Variants in CENPH observed in about 807,000 individuals in gnomAD.
CENPH encodes the protein CENP-H.
CENPH carries 40 observed loss-of-function variants against 42.9 expected under a neutral mutation model. That is an observed-to-expected ratio of 0.93 (90% confidence interval 0.72 to 1.21). The LOEUF (loss-of-function observed/expected upper bound fraction) is 1.21. Ranked by LOEUF, CENPH falls within the 50% of genes most tolerant of loss-of-function variation. The probability of loss-of-function intolerance (pLI) is 0.00; values close to 1 mark genes in which losing one functional copy is unlikely to be tolerated. For missense variants in CENPH, 302 were observed against 292.9 expected (o/e 1.03, Z -0.23); for synonymous variants, 88 against 96.5 (o/e 0.91, Z 0.52).
rs535787751 is a variant in CENPH at position 69,190,542 on chromosome 5, A to G, written c.134+774A>G. 1.5e-4 allele frequency among the ~76,000 whole-genome samples: 23 copies of G among 152,276 alleles called. No homozygotes were observed. In the South Asian group the frequency reaches 4.6e-3, roughly 30 times the overall value. ...ACTATCAGGTCCTTTACAGAAAAAA[A>G]TTTGCGGTCCTCTGTTCTATATCAT... On this transcript the variant is annotated intron_variant, in intron 1 of 8. Transcript: ENST00000283006.
chr5:69,197,341 G>A, intron 5 of CENPH: 1 of 366,916 alleles, frequency 2.7e-6, no homozygotes, highest in Non-Finnish European at 4.8e-6. Context: ...CAGAAGATTG[G>A]AAAATTTTAA....
chr5:69,208,080 A>G (rs902208911), intron 7 of CENPH, 116 bp from the exon 8 acceptor site: 5 of 511,354 alleles, frequency 9.8e-6, no homozygotes, highest in African/African-American at 2.0e-5. Flanking sequence ...AATGCTGCTT[A>G]TTAAAATTTT....
chr5:69,204,690 C>G (rs559849851), intron 7 of CENPH, among the ~76,000 whole-genome samples: 57 of 141,492 alleles, frequency 4.0e-4, no homozygotes, highest in African/African-American at 1.5e-3. Context: ...ACTGCAACTT[C>G]TGCTTCCCGG....
At chr5:69,197,001 G>T (rs1747975062) in intron 4 of CENPH, 52 bp from the exon 5 acceptor site, 1 of 1,154,650 alleles carries the variant, frequency 8.7e-7, no homozygotes, top group Non-Finnish European at 1.2e-6. Flanking sequence ...TTTTTTTAAT[G>T]TACCACAAAT....
chr5:69,191,052 T>G (rs1747862097), intron 1 of CENPH, among the ~76,000 whole-genome samples: 1 of 152,242 alleles, frequency 6.6e-6, no homozygotes, highest in Non-Finnish European at 1.5e-5. Flanking sequence ...TTTGGATTTA[T>G]AGAACAACTG....
chr5:69,193,714 T>C (rs1381338976), intron 2 of CENPH, among the ~76,000 whole-genome samples: 2 of 149,174 alleles, frequency 1.3e-5, no homozygotes, highest in Admixed American at 1.4e-4. Flanking sequence ...CAGGCTAGAG[T>C]GCAGCGGCGC....
chr5:69,198,349 A>C (rs1393086035), intron 5 of CENPH, among the ~76,000 whole-genome samples: 1 of 151,394 alleles, frequency 6.6e-6, no homozygotes, highest in Non-Finnish European at 1.5e-5. Flanking sequence ...TGTCACTCAG[A>C]CTGGAGTGCA....
At chr5:69,205,865 C>T (rs1485076375) in intron 7 of CENPH, among the ~76,000 whole-genome samples, 4 of 151,588 alleles carry the variant, frequency 2.6e-5, no homozygotes, top group African/African-American at 4.8e-5. Context: ...CCCGCCACCA[C>T]GCCCGGCTAA....
chr5:69,201,859 G>C lies in CENPH; in HGVS notation c.372-647G>C, dbSNP rs573096502. ...GGTGGCAGAGCGAGACCCTGTCACAGAAAACAAACCCGTAGGCTATACACA... is the reference window on the plus strand; with the variant it reads ...GGTGGCAGAGCGAGACCCTGTCACACAAAACAAACCCGTAGGCTATACACA... On this transcript the variant is annotated intron_variant, in intron 5 of 8. Transcript: ENST00000283006. 6.6e-5 allele frequency among the ~76,000 whole-genome samples: 10 copies of C among 152,254 alleles called. No individual in the cohort carries two copies. The East Asian group carries it at 1.9e-3, about 29-fold the overall frequency.
At position 69,192,290 on chromosome 5, in the gene CENPH, A is replaced by T. The variant is rs1747890166; in HGVS notation, c.190+440A>T. Among the ~76,000 whole-genome samples the T allele has an allele frequency of 3.3e-5, 5 of 152,210 alleles. No homozygotes were observed. The South Asian group carries it at 1.0e-3, about 32-fold the overall frequency. On this transcript the variant is annotated intron_variant, in intron 2 of 8. Transcript: ENST00000283006. Reference sequence around the variant, plus strand: ...GAGGGAGGGGCTTCTTTTCATAGGGATGGCTTCTCTAAGAAGATGATTTTA... The same window carrying T: ...GAGGGAGGGGCTTCTTTTCATAGGGTTGGCTTCTCTAAGAAGATGATTTTA...
chr5:69,206,685 C>T (rs544969080), intron 7 of CENPH, among the ~76,000 whole-genome samples: 1 of 151,838 alleles, frequency 6.6e-6, no homozygotes, highest in African/African-American at 2.4e-5. Context: ...TTAGTAGAGA[C>T]GGGTTTCATC....
chr5:69,192,134 A>T (rs1747882795), intron 2 of CENPH, among the ~76,000 whole-genome samples: 3 of 152,192 alleles, frequency 2.0e-5, no homozygotes, highest in Admixed American at 2.0e-4. Flanking sequence ...GATGATTAAC[A>T]GTACTCGAGT....
At chr5:69,196,465 C>G (rs1747965867) in intron 4 of CENPH, among the ~76,000 whole-genome samples, 2 of 152,218 alleles carry the variant, frequency 1.3e-5, no homozygotes, top group South Asian at 4.1e-4. Context: ...ACCAACAATG[C>G]AAAACCCTGT....
At chr5:69,194,718 G>C (rs772559883) in intron 3 of CENPH, 23 bp downstream of exon 3, 1 of 1,447,368 alleles carries the variant, frequency 6.9e-7, no homozygotes, top group South Asian at 1.2e-5. Context: ...TAAAAATTTT[G>C]TTTATGGTCT....
At chr5:69,192,992 G>A (rs1189382489) in intron 2 of CENPH, among the ~76,000 whole-genome samples, 1 of 148,892 alleles carries the variant, frequency 6.7e-6, no homozygotes, top group Non-Finnish European at 1.5e-5. Flanking sequence ...GCTACTCGGG[G>A]AGGCTGAGGC....
At chr5:69,200,661 A>G (rs1748042292) in intron 5 of CENPH, among the ~76,000 whole-genome samples, 1 of 145,612 alleles carries the variant, frequency 6.9e-6, no homozygotes, top group African/African-American at 2.5e-5. Flanking sequence ...TATCAGAATA[A>G]TGTCTATTAT....
intron 8 of CENPH, among the ~76,000 whole-genome samples, chr5:69,208,821 G>A (rs1162159492): frequency 6.6e-6 from 1 of 151,718 alleles, no homozygotes; most frequent in Non-Finnish European, 1.5e-5. Flanking sequence ...TTTTTCAGAC[G>A]CAGTCTTGCT....
chr5:69,199,201 C>T (rs1485846803), intron 5 of CENPH, among the ~76,000 whole-genome samples: 1 of 152,028 alleles, frequency 6.6e-6, no homozygotes, highest in Non-Finnish European at 1.5e-5. Flanking sequence ...TTTTTTGAGA[C>T]AGGGCCTCAC....
chr5:69,190,249 C>G (rs1221023277), intron 1 of CENPH, among the ~76,000 whole-genome samples: 1 of 152,190 alleles, frequency 6.6e-6, no homozygotes, highest in South Asian at 2.1e-4. Context: ...AAGGGACATT[C>G]GTCTTCTAAA....
Sources: gnomAD v4.1 joint callset for allele counts (sites outside exome capture counted in the v4.1 genomes callset) on GRCh38, gnomAD v4.1.1 for gene constraint, MANE v1.5 for transcripts, NCBI Gene and HGNC (gene_info 2026-07-23, HGNC 2026-07-21) for gene names.